DCLRE1C: variants seen among roughly 807,000 people sequenced by gnomAD.
DCLRE1C encodes the protein protein artemis.
A neutral mutation model predicts 61.4 loss-of-function variants in DCLRE1C; 47 were observed. The observed-to-expected ratio is 0.77, with a 90% CI of 0.61 to 0.98. DCLRE1C has a LOEUF of 0.98. Ranked by LOEUF, DCLRE1C falls within the 50% of genes least tolerant of loss-of-function variation. The pLI is 0.00. For synonymous variants in DCLRE1C, 337 were observed against 287.6 expected (o/e 1.17, Z -1.74); for missense variants, 858 against 816.0 (o/e 1.05, Z -0.63).
At chr10:14,911,598 A>C (rs2131805646) in intron 13 of DCLRE1C, among the ~76,000 whole-genome samples, 1 of 152,316 alleles carries the variant, frequency 6.6e-6, no homozygotes, top group Admixed American at 6.5e-5. Context: ...ACACCAAAGC[A>C]TATGCAATAA....
intron 9 of DCLRE1C, 82 bp from the exon 10 acceptor site, chr10:14,928,234 G>T: frequency 7.7e-7 from 1 of 1,291,792 alleles, no homozygotes. Flanking sequence ...AACAAAAGTA[G>T]AAAAGTTTCC....
At chr10:14,911,242 C>T (rs1835205479) in intron 13 of DCLRE1C, 3 of 152,212 alleles carry the variant, frequency 2.0e-5, no homozygotes, top group Admixed American at 2.0e-4. Context: ...TGGAAAACCT[C>T]ATGATCCATG....
At chr10:14,933,282 G>A (rs891572321) in intron 8 of DCLRE1C, among the ~76,000 whole-genome samples, 11 of 152,128 alleles carry the variant, frequency 7.2e-5, no homozygotes, top group Non-Finnish European at 1.2e-4. Context: ...ACTATGTGTC[G>A]AGCTTTATTC....
At chr10:14,934,585 C>T (rs1839588213) in intron 7 of DCLRE1C, 65 bp from the exon 8 acceptor site, 2 of 1,613,988 alleles carry the variant, frequency 1.2e-6, no homozygotes, top group South Asian at 1.1e-5. Flanking sequence ...TCCTTCCCAA[C>T]AGTCCCAGGT....
Position 14,908,893 on chromosome 10 carries a change from T to G in DCLRE1C, c.1594A>C (p.Ile532Leu), listed in dbSNP as rs1319392852. ...FSDSDGESTH[I>L]SSQNSSQSTH... ...GACTGGGAAGAATTCTGGGAGGAGA[T>G]GTGAGTTGATTCTCCATCAGAGTCA... The change falls in exon 14 of 14, where the codon ATC becomes CTC. Residue 532 changes from isoleucine (I) to leucine (L), a missense_variant. Physicochemically the swap from Ile to Leu is conservative, Grantham distance 5. This residue lies in a region of DCLRE1C where 843 missense variants were observed against 783.5 expected (regional missense o/e 1.08). Coordinates refer to ENST00000378278, the MANE Select transcript of DCLRE1C (RefSeq NM_001033855.3). The G allele has an allele frequency of 6.2e-7, 1 of 1,614,188 alleles. No homozygotes were observed. Among genetic ancestry groups the G allele is most frequent in the East Asian group, 2.2e-5 (1 of 44,876 alleles).
chr10:14,922,507 T>C (rs961889870), intron 12 of DCLRE1C, among the ~76,000 whole-genome samples: 1 of 151,682 alleles, frequency 6.6e-6, no homozygotes, highest in Admixed American at 6.6e-5. Flanking sequence ...AAAATGGTAA[T>C]ACTGTAGTAA....
chr10:14,951,389 C>CA (rs60272216), intron 1 of DCLRE1C, among the ~76,000 whole-genome samples: 827 of 46,040 alleles, frequency 0.018, 56 homozygotes, highest in South Asian at 0.036. Flanking sequence ...AACCCTGTCT[C>CA]AAAAAAAAAA....
chr10:14,927,580 G>A (rs1377320758), intron 10 of DCLRE1C, among the ~76,000 whole-genome samples: 1 of 130,058 alleles, frequency 7.7e-6, no homozygotes, highest in African/African-American at 2.9e-5. Flanking sequence ...GAGTGGGGGG[G>A]GAGAAAGGAG....
rs1564351773 is a variant in DCLRE1C, at chr10:14,905,078, AT to A, written c.*3329del. On this transcript the variant is annotated 3_prime_UTR_variant, in exon 14 of 14. Transcript: ENST00000378278. ...TTAGCTTTGTTTCTGTTTTACAGTC[AT>A]TTCCAGTAAGACTATAAAAGGGGCA... Among the ~76,000 whole-genome samples the A allele has an allele frequency of 6.6e-6, 1 of 152,238 alleles. No homozygotes were observed. Among genetic ancestry groups the A allele is most frequent in the East Asian group, 1.9e-4 (1 of 5,206 alleles).
intron 9 of DCLRE1C, among the ~76,000 whole-genome samples, chr10:14,929,575 G>A (rs199683537): frequency 6.6e-6 from 1 of 151,992 alleles, no homozygotes; most frequent in Non-Finnish European, 1.5e-5. Context: ...CTGGGGGGTC[G>A]AGGCTACAGT....
In DCLRE1C at chr10:14,954,068, C is replaced by G. The variant is rs1006622866; in HGVS notation, c.-58G>C. ...AACCGCAGCTGAAGCCAAGGCCAGC[C>G]CTGACCGCGCCGCCACTTCCGGGAA... is the stretch of plus-strand genomic sequence containing the variant. On this transcript the variant is annotated 5_prime_UTR_variant, in exon 1 of 14. Transcript: ENST00000378278. 6.8e-6 allele frequency: 11 copies of G among 1,606,682 alleles called. No individual in the cohort carries two copies. In the African/African-American group the frequency reaches 1.3e-4, roughly 20 times the overall value.
In DCLRE1C at chr10:14,926,134, C is replaced by T. The variant is rs993477602; in HGVS notation, c.972+709G>A. Among the ~76,000 whole-genome samples, 6 of 152,162 alleles carry T rather than the reference C, an allele frequency of 3.9e-5. No homozygotes were observed. In the East Asian group the frequency reaches 1.2e-3, roughly 29 times the overall value. On this transcript the variant is annotated intron_variant, in intron 11 of 13. Coordinates refer to ENST00000378278, the MANE Select transcript of DCLRE1C (RefSeq NM_001033855.3). ...CCTCTTTCCTTCCTCATACCCATCT[C>T]GGGCATGTCCTTAGAGCAGCAGGAG...
At position 14,907,826 on chromosome 10, in the gene DCLRE1C, A is replaced by G. The variant is rs1834551203; in HGVS notation, c.*582T>C. On this transcript the variant is annotated 3_prime_UTR_variant, in exon 14 of 14. Coordinates refer to ENST00000378278, the MANE Select transcript of DCLRE1C (RefSeq NM_001033855.3). The stretch of plus-strand genomic sequence containing the variant: ...ATTTACATTTAATGTAATCATTGAT[A>G]CGTATGGGTTTAGTTCTACCATTTT... 1 of 146,368 alleles carries G rather than the reference A, an allele frequency of 6.8e-6. No individual in the cohort carries two copies. The highest frequency in any genetic ancestry group is 6.8e-5 in the Admixed American group (1 of 14,754). 9.1% of individuals were successfully genotyped at this position (146,368 alleles called of 1,614,324 possible).
exon 14 of DCLRE1C, chr10:14,899,065 A>C: frequency 1.7e-6 from 1 of 597,782 alleles, no homozygotes; most frequent in Non-Finnish European, 3.0e-6. Flanking sequence ...GTTACAGTTA[A>C]TCCCAGCACT....
At chr10:14,926,598 G>C (rs1162365687) in intron 11 of DCLRE1C, among the ~76,000 whole-genome samples, 1 of 147,858 alleles carries the variant, frequency 6.8e-6, no homozygotes, top group Non-Finnish European at 1.5e-5. Context: ...AGGTTGCAGT[G>C]AGCCGAGAAC....
intron 3 of DCLRE1C, among the ~76,000 whole-genome samples, chr10:14,943,781 G>C (rs1364534249): frequency 6.6e-6 from 1 of 152,166 alleles, no homozygotes; most frequent in Non-Finnish European, 1.5e-5. Flanking sequence ...TCTGACCTCA[G>C]GTGAGCTGCC....
At chr10:14,919,518 G>A (rs974254684) in intron 13 of DCLRE1C, among the ~76,000 whole-genome samples, 3 of 152,148 alleles carry the variant, frequency 2.0e-5, no homozygotes, top group African/African-American at 4.8e-5. Context: ...CGATGGCACC[G>A]TTTTCACCAC....
chr10:14,945,823 T>C (rs1374314267), intron 2 of DCLRE1C, among the ~76,000 whole-genome samples: 1 of 151,230 alleles, frequency 6.6e-6, no homozygotes, highest in Non-Finnish European at 1.5e-5. Flanking sequence ...GATGCCGGAC[T>C]AATTTTTGTA....
At chr10:14,923,398 T>C (rs1564405143) in intron 11 of DCLRE1C, 1 of 299,036 alleles carries the variant, frequency 3.3e-6, no homozygotes, top group Non-Finnish European at 6.5e-6. Context: ...TTTAATATAT[T>C]GCTTTCCTTG....
Sources: allele counts gnomAD v4.1 joint callset (sites outside exome capture counted in the v4.1 genomes callset), GRCh38; gene constraint gnomAD v4.1.1; regional missense constraint gnomAD v4.1.1; transcripts MANE v1.5; gene names NCBI Gene and HGNC (gene_info 2026-07-23, HGNC 2026-07-21).